The following SLC44A1 variants were observed in gnomAD, a reference collection of about 807,000 sequenced individuals.
SLC44A1 encodes solute carrier family 44 member 1.
In SLC44A1, 26 loss-of-function variants were observed where a neutral mutation model predicts 79.3. That is an observed-to-expected ratio of 0.33 (90% CI 0.24 to 0.46). SLC44A1 has a LOEUF of 0.46. SLC44A1 is among the 20% of genes least tolerant of loss of function. The probability of loss-of-function intolerance (pLI) is 1.00; values close to 1 mark genes in which losing one functional copy is unlikely to be tolerated. For synonymous variants in SLC44A1, 263 were observed against 286.2 expected (o/e 0.92, Z 0.82); for missense variants, 688 against 798.1 (o/e 0.86, Z 1.66).
chr9:105,244,935 C>T (rs1829390717), intron 1 of SLC44A1, 31 bp downstream of exon 1: 3 of 1,145,904 alleles, frequency 2.6e-6, no homozygotes, highest in Non-Finnish European at 3.2e-6. Context: ...GGCCGCCCGC[C>T]CGGATGCCTC....
At chr9:105,312,761 A>C (rs1831214068) in intron 3 of SLC44A1, among the ~76,000 whole-genome samples, 1 of 152,200 alleles carries the variant, frequency 6.6e-6, no homozygotes, top group Non-Finnish European at 1.5e-5. Flanking sequence ...TTTGATTATT[A>C]ATGAGTGTGA....
downstream of SLC44A1, among the ~76,000 whole-genome samples, chr9:105,401,539 T>A (rs1354231049): frequency 3.9e-5 from 6 of 152,334 alleles, no homozygotes; most frequent in East Asian, 1.9e-4. Context: ...AGGATTTTTT[T>A]ATTATTATTA....
At chr9:105,281,181 C>A (rs1429668807) in intron 1 of SLC44A1, among the ~76,000 whole-genome samples, 1 of 152,184 alleles carries the variant, frequency 6.6e-6, no homozygotes, top group Non-Finnish European at 1.5e-5. Flanking sequence ...CTGGGGCGTA[C>A]CCTGGGAGCA....
intron 5 of SLC44A1, among the ~76,000 whole-genome samples, chr9:105,354,269 C>G (rs898719908): frequency 1.3e-5 from 2 of 151,362 alleles, no homozygotes; most frequent in Non-Finnish European, 2.9e-5. Flanking sequence ...CCAGGATGGT[C>G]TCGATCTCCT....
intron 5 of SLC44A1, among the ~76,000 whole-genome samples, chr9:105,354,373 A>T (rs1293473333): frequency 1.3e-5 from 2 of 152,250 alleles, no homozygotes; most frequent in East Asian, 3.9e-4. Context: ...TGATTCTCAT[A>T]ATATTTTTAA....
downstream of SLC44A1, chr9:105,397,420 C>G: frequency 1.1e-6 from 1 of 935,330 alleles, no homozygotes; most frequent in Non-Finnish European, 1.3e-6. Flanking sequence ...GCAACATCTT[C>G]GTTTCAAATT....
At chr9:105,358,658 A>G (rs1168107293) in intron 7 of SLC44A1, among the ~76,000 whole-genome samples, 3 of 152,126 alleles carry the variant, frequency 2.0e-5, no homozygotes, top group Non-Finnish European at 4.4e-5. Context: ...GTATATAAAC[A>G]TATGCAGTTA....
intron 13 of SLC44A1, among the ~76,000 whole-genome samples, chr9:105,376,324 C>T (rs1398432451): frequency 7.3e-6 from 1 of 136,090 alleles, no homozygotes; most frequent in Non-Finnish European, 1.5e-5. Context: ...TACACACACA[C>T]ACACACACAC....
chr9:105,422,099 A>C (rs1829259961), intron 15 of SLC44A1, among the ~76,000 whole-genome samples: 1 of 152,088 alleles, frequency 6.6e-6, no homozygotes, highest in Admixed American at 6.6e-5. Context: ...AAGTCCACCA[A>C]CTTCCTTTTT....
chr9:105,255,101 G>GTTTTTTTTTTTTTTT (rs74312883), intron 1 of SLC44A1, among the ~76,000 whole-genome samples: 1 of 111,882 alleles, frequency 8.9e-6, no homozygotes. Flanking sequence ...AGGTTTTTTT[G>GTTTTTTTTTTTTTTT]TTTTTTTTTT....
intron 5 of SLC44A1, among the ~76,000 whole-genome samples, chr9:105,353,986 A>G (rs1310197037): frequency 6.6e-6 from 1 of 150,950 alleles, no homozygotes; most frequent in East Asian, 1.9e-4. Context: ...TTGTCAGTTT[A>G]AAGGTTTCTG....
intron 4 of SLC44A1, among the ~76,000 whole-genome samples, chr9:105,339,658 C>T (rs887336251): frequency 2.0e-5 from 3 of 151,814 alleles, no homozygotes; most frequent in African/African-American, 7.3e-5. Flanking sequence ...AGTGAGATCT[C>T]GTCTCTATAA....
At chr9:105,383,047 A>G (rs943696477) in intron 13 of SLC44A1, 76 bp from the exon 14 acceptor site, 2 of 969,438 alleles carry the variant, frequency 2.1e-6, no homozygotes, top group Non-Finnish European at 1.6e-6. Context: ...GTAGAATTTT[A>G]AGTCTGCAAA....
chr9:105,323,267 G>A (rs1474891608), intron 3 of SLC44A1, among the ~76,000 whole-genome samples: 2 of 150,552 alleles, frequency 1.3e-5, no homozygotes, highest in African/African-American at 4.9e-5. Flanking sequence ...AGGTAGGCAT[G>A]TTTGATTATC....
At chr9:105,421,577 A>G (rs1280917266) in intron 15 of SLC44A1, among the ~76,000 whole-genome samples, 1 of 150,994 alleles carries the variant, frequency 6.6e-6, no homozygotes, top group Non-Finnish European at 1.5e-5. Flanking sequence ...AGACTTCAGA[A>G]ATCTCTTTTT....
chr9:105,361,402 C>T lies in SLC44A1; in HGVS notation c.900+72C>T. The T allele has an allele frequency of 2.8e-6, 4 of 1,405,650 alleles. No homozygotes were observed. In the South Asian group the frequency reaches 4.1e-5, roughly 14 times the overall value. 87.1% of individuals were successfully genotyped at this position (1,405,650 alleles called of 1,614,324 possible). A position where few individuals can be genotyped will look rare whatever the true frequency, so the allele number is the denominator to read the frequency against. ...CAGGAGATCATTAATGGAGCAGAAA[C>T]TCAAATCTAGCTTTTGCATTCCTAA... On this transcript the variant is annotated intron_variant, in intron 8 of 15. Transcript: ENST00000374720.
intron 5 of SLC44A1, among the ~76,000 whole-genome samples, chr9:105,351,775 A>T (rs1220417133): frequency 5.3e-5 from 8 of 152,202 alleles, no homozygotes; most frequent in Admixed American, 4.6e-4. Context: ...ATCCCACAGT[A>T]TCTCTCATAT....
chr9:105,285,662 A>G (rs1368442095), intron 1 of SLC44A1, among the ~76,000 whole-genome samples: 1 of 152,200 alleles, frequency 6.6e-6, no homozygotes, highest in Non-Finnish European at 1.5e-5. Flanking sequence ...CAGTGGGTGG[A>G]TCTCACAAAG....
chr9:105,365,746 A>C (rs1390471292), intron 11 of SLC44A1, 107 bp downstream of exon 11: 7 of 1,205,050 alleles, frequency 5.8e-6, no homozygotes, highest in Non-Finnish European at 8.3e-6. Context: ...TGTTTTCTTC[A>C]AAGTCTTTAC....
Sources: allele counts gnomAD v4.1 joint callset (sites outside exome capture counted in the v4.1 genomes callset), GRCh38; gene constraint gnomAD v4.1.1; transcripts MANE v1.5; gene names NCBI Gene and HGNC (gene_info 2026-07-23, HGNC 2026-07-21).